The following DIAPH2 variants were observed in gnomAD, a reference collection of about 807,000 sequenced individuals.
DIAPH2 encodes the protein diaphanous related formin 2.
A neutral mutation model predicts 92.7 loss-of-function variants in DIAPH2; 35 were observed. That is an observed-to-expected ratio of 0.38 (90% CI 0.29 to 0.50). The LOEUF (loss-of-function observed/expected upper bound fraction) is 0.50. Ranked by LOEUF, DIAPH2 falls within the 20% of genes least tolerant of loss-of-function variation. The pLI is 0.94. For synonymous variants in DIAPH2, 301 were observed against 280.4 expected, an observed-to-expected ratio of 1.07 and a Z score of -0.73; for missense variants, 701 against 819.5, an observed-to-expected ratio of 0.86 and a Z score of 1.77.
intron 26 of DIAPH2, among the ~76,000 whole-genome samples, chrX:97,578,511 TA>T: frequency 1.0e-5 from 1 of 98,959 alleles, no homozygotes; most frequent in East Asian, 3.4e-4. Flanking sequence ...CATCATTTTT[TA>T]TGGCTGCATA....
intron 4 of DIAPH2, among the ~76,000 whole-genome samples, chrX:96,858,578 T>G (rs1174594290): frequency 8.9e-6 from 1 of 112,044 alleles, no homozygotes; most frequent in East Asian, 2.8e-4. Context: ...GATGCTATAT[T>G]CAATTCCTAG....
chrX:97,599,228 G>A (rs768307988), intron 26 of DIAPH2, 25 bp from the exon 27 acceptor site: 3 of 1,139,793 alleles, frequency 2.6e-6, no homozygotes, highest in African/African-American at 3.6e-5. Context: ...CCATGCTTTT[G>A]GTCCTTTTTC....
intron 26 of DIAPH2, among the ~76,000 whole-genome samples, chrX:97,554,867 T>TAAATA (rs1433618558): frequency 4.5e-5 from 5 of 111,802 alleles, no homozygotes; most frequent in Non-Finnish European, 9.4e-5. Flanking sequence ...GTGTACTACA[T>TAAATA]AAATAAAATA....
intron 24 of DIAPH2, among the ~76,000 whole-genome samples, chrX:97,372,391 C>T: frequency 8.9e-6 from 1 of 112,513 alleles, no homozygotes; most frequent in South Asian, 3.7e-4. Context: ...GTTTGTCTGT[C>T]AAACCTACAG....
In DIAPH2 at chrX:97,072,972, G is replaced by A; in HGVS notation, c.2082G>A (p.Lys694=). The change falls in exon 18 of 27, where the codon AAG becomes AAA. Residue 694 remains lysine (K), a synonymous_variant. Coordinates refer to ENST00000324765, the MANE Select transcript of DIAPH2 (RefSeq NM_006729.5). ...VQKNAEALEE[K]KTGPTKKKVK... is the part of the protein sequence containing the mutation. The stretch of plus-strand genomic sequence containing the variant: ...AGAACGCAGAAGCATTAGAAGAAAA[G>A]AAGACTGGGCCTACAAAGAAGAAAG... 8.3e-7 allele frequency: 1 copy of A among 1,201,132 alleles called. No individual in the cohort carries two copies. Among genetic ancestry groups the A allele is most frequent in the African/African-American group, 1.8e-5 (1 of 56,965 alleles).
chrX:96,823,752 A>G (rs1382629044), intron 4 of DIAPH2, among the ~76,000 whole-genome samples: 1 of 110,173 alleles, frequency 9.1e-6, no homozygotes, highest in Non-Finnish European at 1.9e-5. Flanking sequence ...TTGTTTACCA[A>G]CTTTGAGTTT....
chrX:96,841,427 T>C (rs2064935797), intron 4 of DIAPH2, among the ~76,000 whole-genome samples: 1 of 111,863 alleles, frequency 8.9e-6, no homozygotes, highest in Non-Finnish European at 1.9e-5. Flanking sequence ...AATAATTGCC[T>C]TCTCCTCTCC....
chrX:97,525,368 ACTC>A (rs762078048), intron 26 of DIAPH2, among the ~76,000 whole-genome samples: 2 of 110,441 alleles, frequency 1.8e-5, no homozygotes, highest in Admixed American at 1.9e-4. Context: ...CATTGGATGA[ACTC>A]CTGCTCATCC....
chrX:97,334,068 C>T (rs1200967309), intron 23 of DIAPH2, among the ~76,000 whole-genome samples: 1 of 111,323 alleles, frequency 9.0e-6, no homozygotes, highest in Admixed American at 9.7e-5. Context: ...AACTTGAAAA[C>T]ATTAACATGC....
chrX:97,301,532 C>T (rs1345535443), intron 23 of DIAPH2, among the ~76,000 whole-genome samples: 1 of 111,775 alleles, frequency 8.9e-6, no homozygotes, highest in East Asian at 2.8e-4. Context: ...ACATGGTCAG[C>T]TTTCAGAGAA....
In DIAPH2 at chrX:97,483,896, T is replaced by A. The variant is rs758286646; in HGVS notation, c.3241+54151T>A. On this transcript the variant is annotated intron_variant, in intron 26 of 26. Transcript: ENST00000324765. ...AACCCTCAAATGTATGACTTATTTT[T>A]AAAAGATTCATCCAAAATTAATATG... Among the ~76,000 whole-genome samples, 87 of 112,026 alleles carry A rather than the reference T, an allele frequency of 7.8e-4. 1 individual carries two copies. Among genetic ancestry groups the A allele is most frequent in the Non-Finnish European group, 1.3e-3 (68 of 53,214 alleles).
intron 4 of DIAPH2, among the ~76,000 whole-genome samples, chrX:96,810,668 T>C (rs766294751): frequency 8.9e-6 from 1 of 111,916 alleles, no homozygotes; most frequent in Admixed American, 9.5e-5. Context: ...CGTTTAAGTC[T>C]TTAATCCATC....
chrX:97,501,512 C>T (rs769964353), intron 26 of DIAPH2, among the ~76,000 whole-genome samples: 3 of 111,942 alleles, frequency 2.7e-5, no homozygotes, highest in African/African-American at 9.7e-5. Flanking sequence ...AGGAATTTGT[C>T]TTCTACATAG....
intron 1 of DIAPH2, among the ~76,000 whole-genome samples, chrX:96,702,776 G>A (rs1457680365): frequency 8.9e-6 from 1 of 111,854 alleles, no homozygotes; most frequent in African/African-American, 3.3e-5. Flanking sequence ...GCTTGATAGA[G>A]TTCTGGTAAG....
chrX:96,842,508 C>T (rs776150510), intron 4 of DIAPH2, among the ~76,000 whole-genome samples: 8 of 112,105 alleles, frequency 7.1e-5, no homozygotes, highest in Non-Finnish European at 1.3e-4. Flanking sequence ...TTTAAATATC[C>T]ATTGGAATTC....
At chrX:97,328,494 C>A (rs756027076) in intron 23 of DIAPH2, among the ~76,000 whole-genome samples, 1 of 111,339 alleles carries the variant, frequency 9.0e-6, no homozygotes, top group Non-Finnish European at 1.9e-5. Flanking sequence ...AATTATAAGT[C>A]ATTTCATTGC....
chrX:97,001,964 C>T (rs1394881867), intron 17 of DIAPH2, among the ~76,000 whole-genome samples: 2 of 109,290 alleles, frequency 1.8e-5, no homozygotes, highest in African/African-American at 6.7e-5. Context: ...AATGAGCATC[C>T]CAAGATCAGA....
chrX:96,688,921 A>G (rs1338113773), intron 1 of DIAPH2, among the ~76,000 whole-genome samples: 2 of 109,900 alleles, frequency 1.8e-5, no homozygotes, highest in Non-Finnish European at 3.8e-5. Context: ...ACTGTATTAC[A>G]GCCTTGGCGA....
intron 17 of DIAPH2, among the ~76,000 whole-genome samples, chrX:96,976,596 T>C (rs1486187839): frequency 1.8e-5 from 2 of 111,055 alleles, no homozygotes; most frequent in East Asian, 5.6e-4. Context: ...ATTAATCACC[T>C]ATTTTATGTA....
Sources: gnomAD v4.1 joint callset for allele counts (sites outside exome capture counted in the v4.1 genomes callset) on GRCh38, gnomAD v4.1.1 for gene constraint, MANE v1.5 for transcripts, NCBI Gene and HGNC (gene_info 2026-07-23, HGNC 2026-07-21) for gene names.